The following RFC3 variants were observed in gnomAD, a reference collection of about 807,000 sequenced individuals.
RFC3 encodes A1 38 kDa subunit.
In RFC3, 41 loss-of-function variants were observed where a neutral mutation model predicts 45.1. The ratio of observed to expected loss-of-function variants is 0.91; its 90% CI spans 0.71 to 1.18. RFC3 has a LOEUF of 1.18. RFC3 is among the 50% of genes most tolerant of loss of function. The probability of loss-of-function intolerance (pLI) is 0.00; values close to 1 mark genes in which losing one functional copy is unlikely to be tolerated. For missense variants in RFC3, 423 were observed against 428.1 expected (o/e 0.99, Z 0.10); for synonymous variants, 149 against 144.0 (o/e 1.03, Z -0.25).
intron 1 of RFC3, among the ~76,000 whole-genome samples, chr13:33,818,875 A>G (rs1280147964): frequency 6.9e-6 from 1 of 144,848 alleles, no homozygotes; most frequent in Non-Finnish European, 1.5e-5. Flanking sequence ...GACGTTCCTG[A>G]GATTAGTTTT....
intron 8 of RFC3, among the ~76,000 whole-genome samples, chr13:33,860,092 C>G (rs1317092037): frequency 6.6e-6 from 1 of 152,158 alleles, no homozygotes; most frequent in Non-Finnish European, 1.5e-5. Context: ...GGGGACAGTC[C>G]TCAGGAGAAG....
At chr13:33,949,715 G>A (rs936180826) in intron 8 of RFC3, among the ~76,000 whole-genome samples, 1 of 152,122 alleles carries the variant, frequency 6.6e-6, no homozygotes, top group Non-Finnish European at 1.5e-5. Flanking sequence ...CTGTGAGGGT[G>A]TTTCTGGATA....
chr13:33,877,949 C>T (rs1270583409), intron 8 of RFC3, among the ~76,000 whole-genome samples: 2 of 151,474 alleles, frequency 1.3e-5, no homozygotes, highest in African/African-American at 4.8e-5. Flanking sequence ...TCAAGAAATT[C>T]AGGTTTCTAC....
chr13:33,879,905 C>T (rs1339243069), intron 8 of RFC3, among the ~76,000 whole-genome samples: 1 of 152,190 alleles, frequency 6.6e-6, no homozygotes, highest in East Asian at 1.9e-4. Context: ...TTTCTGGGCT[C>T]ATGGCCCCTT....
At chr13:33,818,310 G>A (rs2139365353) in intron 1 of RFC3, 45 bp downstream of exon 1, 1 of 1,551,910 alleles carries the variant, frequency 6.4e-7, no homozygotes. Context: ...GAGGCCCCCC[G>A]GCTCGGGGTT....
chr13:33,955,602 TA>T, intron 8 of RFC3, among the ~76,000 whole-genome samples: 1 of 152,324 alleles, frequency 6.6e-6, no homozygotes, highest in South Asian at 2.1e-4. Context: ...TTGCTCAACA[TA>T]AGTGTTGTCC....
intron 8 of RFC3, among the ~76,000 whole-genome samples, chr13:33,872,792 A>AC (rs11382058): frequency 0.05 from 4,875 of 97,252 alleles, 387 homozygotes; most frequent in East Asian, 0.1. Context: ...AAGAAACCAA[A>AC]CCCCCCCCCC....
chr13:33,911,618 A>G (rs564809516), intron 8 of RFC3, among the ~76,000 whole-genome samples: 3 of 152,224 alleles, frequency 2.0e-5, no homozygotes, highest in African/African-American at 7.2e-5. Flanking sequence ...GCATCAGAAC[A>G]TGGTGAAGAA....
At position 33,932,269 on chromosome 13, in the gene RFC3, TA is replaced by T. The variant is rs35897461; in HGVS notation, c.880-33812del. Among the ~76,000 whole-genome samples the T allele has an allele frequency of 1.9e-3, 292 of 152,272 alleles. 6 individuals carry two copies. The highest frequency in any genetic ancestry group is 0.019 in the Admixed American group (284 of 15,272). On this transcript the variant is annotated intron_variant, in intron 8 of 8. Coordinates refer to the RFC3 transcript ENST00000434425. ...TAGAGAAATTATTCCTTAATGCCAT[TA>T]AAAAAGTTAGTAATTTTTGTCTATT...
the RFC3 span, among the ~76,000 whole-genome samples, chr13:33,974,716 G>A: frequency 3.5e-4 from 53 of 152,262 alleles, 1 homozygote; most frequent in Non-Finnish European, 7.2e-4. Context: ...AATTAAAAAT[G>A]AGCAAAAGTG....
At chr13:33,881,126 T>G (rs1233448203) in intron 8 of RFC3, among the ~76,000 whole-genome samples, 1 of 152,210 alleles carries the variant, frequency 6.6e-6, no homozygotes, top group Non-Finnish European at 1.5e-5. Context: ...CTTTATAATA[T>G]ATGACACTTA....
chr13:33,839,143 C>T (rs1272551302), downstream of RFC3, among the ~76,000 whole-genome samples: 1 of 152,112 alleles, frequency 6.6e-6, no homozygotes, highest in Non-Finnish European at 1.5e-5. Flanking sequence ...CTCAGTACCC[C>T]TTGGTTTTTA....
chr13:33,891,738 A>G (rs866049481), intron 8 of RFC3, among the ~76,000 whole-genome samples: 2 of 152,202 alleles, frequency 1.3e-5, no homozygotes, highest in African/African-American at 4.8e-5. Flanking sequence ...AAAATACCAG[A>G]TGCTCTACTT....
intron 7 of RFC3, among the ~76,000 whole-genome samples, chr13:33,831,669 A>T (rs1248535287): frequency 3.0e-5 from 4 of 134,694 alleles, no homozygotes; most frequent in Admixed American, 7.9e-5. Flanking sequence ...AAAGCTAGAG[A>T]TAATGTGCGT....
chr13:33,930,594 C>T (rs1230071534), intron 8 of RFC3, among the ~76,000 whole-genome samples: 2 of 152,106 alleles, frequency 1.3e-5, no homozygotes, highest in African/African-American at 4.8e-5. Context: ...CCTTTGGCAA[C>T]ACCCTCGCGG....
At chr13:33,904,229 G>A (rs1299129054) in intron 8 of RFC3, among the ~76,000 whole-genome samples, 1 of 151,996 alleles carries the variant, frequency 6.6e-6, no homozygotes, top group Non-Finnish European at 1.5e-5. Flanking sequence ...TGACTAAATG[G>A]ATGACTGCAT....
At chr13:33,903,169 T>A (rs2082651978) in intron 8 of RFC3, among the ~76,000 whole-genome samples, 1 of 152,108 alleles carries the variant, frequency 6.6e-6, no homozygotes, top group African/African-American at 2.4e-5. Flanking sequence ...TCCATCTTGC[T>A]CAGCCTACTA....
chr13:33,894,199 A>T (rs981523633), intron 8 of RFC3, among the ~76,000 whole-genome samples: 7 of 152,182 alleles, frequency 4.6e-5, no homozygotes, highest in African/African-American at 1.7e-4. Context: ...GAGGGGGATA[A>T]GCTGCCTCTG....
intron 8 of RFC3, among the ~76,000 whole-genome samples, chr13:33,871,013 A>G (rs1463122957): frequency 6.6e-6 from 1 of 152,228 alleles, no homozygotes; most frequent in Non-Finnish European, 1.5e-5. Flanking sequence ...GTTAGAAGGC[A>G]CTAAAGAGTG....
Sources: allele counts gnomAD v4.1 joint callset (sites outside exome capture counted in the v4.1 genomes callset), GRCh38; gene constraint gnomAD v4.1.1; transcripts MANE v1.5; gene names NCBI Gene and HGNC (gene_info 2026-07-23, HGNC 2026-07-21).